MRPS28: variants seen among roughly 807,000 people sequenced by gnomAD.
The protein encoded by MRPS28 is small ribosomal subunit protein bS1m.
In MRPS28, 7 loss-of-function variants were observed where a neutral mutation model predicts 10.8. The observed-to-expected ratio is 0.65, with a 90% confidence interval of 0.37 to 1.22. The LOEUF is 1.22. MRPS28 is among the 50% of genes most tolerant of loss of function. The pLI is 0.02. For missense variants in MRPS28, 265 were observed against 232.9 expected (o/e 1.14, Z -0.90); for synonymous variants, 121 against 93.3 (o/e 1.30, Z -1.71).
At chr8:79,971,783 T>C (rs973398814) in intron 2 of MRPS28, among the ~76,000 whole-genome samples, 3 of 152,150 alleles carry the variant, frequency 2.0e-5, no homozygotes, top group African/African-American at 7.2e-5. Context: ...CTGAAACCTC[T>C]GTCTCATGGG....
chr8:79,952,810 G>C (rs1807112263), intron 2 of MRPS28, among the ~76,000 whole-genome samples: 1 of 152,176 alleles, frequency 6.6e-6, no homozygotes, highest in Admixed American at 6.5e-5. Flanking sequence ...ATAATGAGAA[G>C]ACTGGATAGT....
At chr8:79,982,758 C>A (rs536242861) in intron 2 of MRPS28, among the ~76,000 whole-genome samples, 38 of 152,182 alleles carry the variant, frequency 2.5e-4, no homozygotes, top group Non-Finnish European at 5.3e-4. Context: ...ACAAAGCAGC[C>A]GGGAAGCTCG....
At chr8:80,020,354 T>A (rs576979780) in intron 1 of MRPS28, among the ~76,000 whole-genome samples, 27 of 152,214 alleles carry the variant, frequency 1.8e-4, no homozygotes, top group Non-Finnish European at 4.0e-4. Flanking sequence ...CATCACGGCC[T>A]GCACTAGTTT....
intron 2 of MRPS28, among the ~76,000 whole-genome samples, chr8:79,956,177 C>T (rs1002193197): frequency 6.6e-6 from 1 of 151,990 alleles, no homozygotes; most frequent in African/African-American, 2.4e-5. Flanking sequence ...AGGTGTATTA[C>T]ATTTTGTTGC....
chr8:80,014,374 G>A lies in MRPS28; in HGVS notation c.214-11194C>T, dbSNP rs2370107. Among the ~76,000 whole-genome samples the A allele has an allele frequency of 8.6e-3, 1,305 of 152,294 alleles. 26 individuals carry two copies. Among genetic ancestry groups the A allele is most frequent in the African/African-American group, 0.03 (1,244 of 41,548 alleles). On this transcript the variant is annotated intron_variant, in intron 1 of 2. Coordinates refer to ENST00000276585, the MANE Select transcript of MRPS28 (RefSeq NM_014018.3). ...CAAGTTTGGGATGGTTTGTTATGCAGCAGTAACTTATACTGTTTCTATAAC... is the reference window on the plus strand; with the variant it reads ...CAAGTTTGGGATGGTTTGTTATGCAACAGTAACTTATACTGTTTCTATAAC...
At chr8:79,978,880 T>C (rs1807872929) in intron 2 of MRPS28, among the ~76,000 whole-genome samples, 1 of 152,180 alleles carries the variant, frequency 6.6e-6, no homozygotes, top group Non-Finnish European at 1.5e-5. Context: ...AAGAACATAT[T>C]ACTTTAATGA....
At chr8:80,006,534 A>G (rs547318173) in intron 1 of MRPS28, among the ~76,000 whole-genome samples, 16 of 152,354 alleles carry the variant, frequency 1.1e-4, no homozygotes. Context: ...CAAGGCTAAT[A>G]AAGAAGAAAA....
chr8:80,009,268 G>T (rs2130188289), intron 1 of MRPS28, among the ~76,000 whole-genome samples: 1 of 152,226 alleles, frequency 6.6e-6, no homozygotes, highest in East Asian at 1.9e-4. Flanking sequence ...ACACAGCAGG[G>T]CTTGCTGTGG....
chr8:79,994,372 G>A (rs987043292), intron 2 of MRPS28, among the ~76,000 whole-genome samples: 6 of 152,014 alleles, frequency 3.9e-5, no homozygotes, highest in Admixed American at 1.3e-4. Flanking sequence ...ATCTACATCC[G>A]GGCATTTTAA....
intron 2 of MRPS28, among the ~76,000 whole-genome samples, chr8:79,982,054 C>A (rs992458379): frequency 2.6e-5 from 4 of 152,164 alleles, no homozygotes; most frequent in Admixed American, 2.6e-4. Flanking sequence ...CAAGACCCGC[C>A]TGGCCAACAT....
rs555299065 is a variant in MRPS28, at chr8:79,942,013, G to A, written c.396-22865C>T. Among the ~76,000 whole-genome samples, 6 of 152,284 alleles carry A rather than the reference G, an allele frequency of 3.9e-5. No homozygotes were observed. In the South Asian group the frequency reaches 1.2e-3, roughly 32 times the overall value. On this transcript the variant is annotated intron_variant, in intron 2 of 2. Coordinates refer to ENST00000276585, the MANE Select transcript of MRPS28 (RefSeq NM_014018.3). The stretch of plus-strand genomic sequence containing the variant: ...TAGTCAGATGGTAAGGGAATTTGTT[G>A]ATGAGGTTAGGGAAGCTAAATAAGA...
chr8:79,928,984 T>A (rs1806384992), intron 2 of MRPS28, among the ~76,000 whole-genome samples: 1 of 152,132 alleles, frequency 6.6e-6, no homozygotes, highest in Admixed American at 6.5e-5. Context: ...AGGCGGAGAT[T>A]GCAGTTAGCC....
At chr8:80,028,142 T>C (rs1037314082) in intron 1 of MRPS28, among the ~76,000 whole-genome samples, 16 of 152,224 alleles carry the variant, frequency 1.1e-4, no homozygotes, top group Non-Finnish European at 2.2e-4. Flanking sequence ...TAACTTACTA[T>C]ACATGTGATG....
At chr8:80,018,513 G>A (rs922119498) in intron 1 of MRPS28, among the ~76,000 whole-genome samples, 9 of 152,088 alleles carry the variant, frequency 5.9e-5, no homozygotes, top group Non-Finnish European at 1.0e-4. Flanking sequence ...TGGAGAAAAG[G>A]GAACCATCAT....
chr8:79,949,413 C>CAAAA (rs58390672), intron 2 of MRPS28, among the ~76,000 whole-genome samples: 6 of 96,950 alleles, frequency 6.2e-5, no homozygotes, highest in Non-Finnish European at 1.3e-4. Flanking sequence ...GACTCCGTCT[C>CAAAA]AAAAAAAAAA....
intron 2 of MRPS28, among the ~76,000 whole-genome samples, chr8:79,923,461 C>A (rs1322603178): frequency 2.6e-5 from 4 of 152,036 alleles, no homozygotes; most frequent in African/African-American, 9.7e-5. Context: ...TTAATATTAT[C>A]CATTAGAAAA....
chr8:79,948,558 G>GA (rs1425558499), intron 2 of MRPS28, among the ~76,000 whole-genome samples: 2 of 152,034 alleles, frequency 1.3e-5, no homozygotes, highest in Non-Finnish European at 2.9e-5. Context: ...TCTGATTTTA[G>GA]AAAATATCAA....
At chr8:79,967,103 A>G (rs1344698676) in intron 2 of MRPS28, among the ~76,000 whole-genome samples, 1 of 152,202 alleles carries the variant, frequency 6.6e-6, no homozygotes, top group Non-Finnish European at 1.5e-5. Context: ...ATATCCTAGT[A>G]GCATATCTTT....
intron 2 of MRPS28, among the ~76,000 whole-genome samples, chr8:79,960,800 G>A (rs1451501223): frequency 6.6e-6 from 1 of 152,022 alleles, no homozygotes; most frequent in Non-Finnish European, 1.5e-5. Flanking sequence ...AAACATTATA[G>A]AGCTTTTGAA....
Sources: allele counts gnomAD v4.1 joint callset (sites outside exome capture counted in the v4.1 genomes callset), GRCh38; gene constraint gnomAD v4.1.1; transcripts MANE v1.5; gene names NCBI Gene and HGNC (gene_info 2026-07-23, HGNC 2026-07-21).